Variants in LRATD1 observed in about 807,000 individuals in gnomAD.
LRATD1 encodes the protein LRAT domain containing 1, also known as protein LRATD1.
LRATD1 carries 8 observed loss-of-function variants against 21.3 expected under a neutral mutation model. The observed-to-expected ratio is 0.38, with a 90% CI of 0.22 to 0.68. The LOEUF (loss-of-function observed/expected upper bound fraction) is 0.68. LRATD1 is among the 30% of genes least tolerant of loss of function. The pLI is 0.54. For synonymous variants in LRATD1, 210 were observed against 186.2 expected (o/e 1.13, Z -1.04); for missense variants, 380 against 404.0 (o/e 0.94, Z 0.51).
chr2:14,635,229 A>C lies in LRATD1; in HGVS notation c.*371A>C, dbSNP rs1671659265. The C allele has an allele frequency of 3.6e-6, 2 of 557,726 alleles. No individual in the cohort carries two copies. Among genetic ancestry groups the C allele is most frequent in the African/African-American group, 3.8e-5 (2 of 53,278 alleles). The allele number at this position is 557,726 out of a possible 1,614,324, so 34.5% of individuals were successfully genotyped here. On this transcript the variant is annotated 3_prime_UTR_variant, in exon 2 of 2. Coordinates refer to ENST00000295092, the MANE Select transcript of LRATD1 (RefSeq NM_145175.4). ...TGGCCAGTGACTGTGGCCCGACTCGAAAACAACCCTCTTCTCAAAAGGGAC... is the reference window on the plus strand; with the variant it reads ...TGGCCAGTGACTGTGGCCCGACTCGCAAACAACCCTCTTCTCAAAAGGGAC...
chr2:14,638,389 T>C lies in LRATD1; in HGVS notation c.*3531T>C, dbSNP rs1390598567. The C allele has an allele frequency of 6.0e-6, 1 of 167,010 alleles. No individual in the cohort carries two copies. The highest frequency in any genetic ancestry group is 1.5e-5 in the Non-Finnish European group (1 of 68,100). The allele number at this position is 167,010 out of a possible 1,614,324, so 10.3% of individuals were successfully genotyped here. ...GAAACACTTGTGCCAGATTAGAACA[T>C]CAAGCACAGAAGCAGCTGTATGATT... On this transcript the variant is annotated 3_prime_UTR_variant, in exon 2 of 2. Coordinates refer to ENST00000295092, the MANE Select transcript of LRATD1 (RefSeq NM_145175.4).
At chr2:14,651,039 T>A (rs1255486978), downstream of LRATD1, among the ~76,000 whole-genome samples, 1 of 152,160 alleles carries the variant, frequency 6.6e-6, no homozygotes, top group African/African-American at 2.4e-5. Context: ...TTATTTACGA[T>A]CTTAATTTCC....
In LRATD1 at chr2:14,634,373, C is replaced by G; in HGVS notation, c.394C>G (p.Gln132Glu). 1 of 1,560,332 alleles carries G rather than the reference C, an allele frequency of 6.4e-7. No homozygotes were observed. ...CGACCTGCTGGAGCTGCTGTGGCTG[C>G]AGCCCGCGCCGGAGCCGCCCGCGCC... is the stretch of plus-strand genomic sequence containing the variant. ...PGDLLELLWL[Q>E]PAPEPPAPAP... Residue 132 changes from glutamine (Q) to glutamate (E), a missense_variant, in exon 2 of 2, where the codon CAG (glutamine) becomes GAG (glutamate). Physicochemically the swap from Gln to Glu is conservative, Grantham distance 29. Transcript: ENST00000295092.
At chr2:14,640,711 C>T (rs1024465699), downstream of LRATD1, among the ~76,000 whole-genome samples, 1 of 152,210 alleles carries the variant, frequency 6.6e-6, no homozygotes, top group Admixed American at 6.5e-5. Context: ...GACATACCAG[C>T]TCTTTGCTCA....
downstream of LRATD1, chr2:14,642,180 C>G: frequency 6.6e-6 from 1 of 152,568 alleles, no homozygotes; most frequent in African/African-American, 2.4e-5. Flanking sequence ...CCTTAAGAAT[C>G]ATACAGTAGA....
At position 14,639,848 on chromosome 2, in the gene LRATD1, A is replaced by C. The variant is rs1182453960; in HGVS notation, c.*4990A>C. 2 of 167,248 alleles carry C rather than the reference A, an allele frequency of 1.2e-5. No individual in the cohort carries two copies. Among genetic ancestry groups the C allele is most frequent in the East Asian group, 3.9e-4 (2 of 5,188 alleles). The allele number at this position is 167,248 out of a possible 1,614,324, so 10.4% of individuals were successfully genotyped here. ...ATTCTTGGTTACCAGGAAAACCAGAAAGCCCGTCACTTGCCTTGCCTGCAA... is the reference window on the plus strand; with the variant it reads ...ATTCTTGGTTACCAGGAAAACCAGACAGCCCGTCACTTGCCTTGCCTGCAA... On this transcript the variant is annotated 3_prime_UTR_variant, in exon 2 of 2. Transcript: ENST00000295092.
downstream of LRATD1, among the ~76,000 whole-genome samples, chr2:14,640,882 G>T (rs1045513877): frequency 1.1e-4 from 17 of 152,282 alleles, no homozygotes; most frequent in African/African-American, 3.9e-4. Context: ...TGCCCAGGGG[G>T]TCTGAGCTAG....
rs1391247335 is a variant in LRATD1, at chr2:14,634,694, C to T, written c.715C>T (p.Pro239Ser). Residue 239 changes from proline to serine, a missense_variant, in exon 2 of 2, where the codon CCG becomes TCG. Coordinates refer to ENST00000295092, the MANE Select transcript of LRATD1 (RefSeq NM_145175.4). ...GGAGGTGCCGGCAGGCACGCAGCCC[C>T]CGCAGCAGCAGTACTATCTCAAGGT... ...GGEVPAGTQP[P>S]QQQYYLKVHL... 1 of 1,549,344 alleles carries T rather than the reference C, an allele frequency of 6.5e-7. No individual in the cohort carries two copies.
chr2:14,635,476 C>T lies in LRATD1; in HGVS notation c.*618C>T, dbSNP rs762183954. On this transcript the variant is annotated 3_prime_UTR_variant, in exon 2 of 2. Transcript: ENST00000295092. ...CTTTTCCAGCTCTCCAGCCCCAGGT[C>T]TCCTGACATTGTGTTCCAGGCTGCG... 1.6e-4 allele frequency: 77 copies of T among 471,152 alleles called. No individual in the cohort carries two copies. Among genetic ancestry groups the T allele is most frequent in the Non-Finnish European group, 1.3e-5 (3 of 227,104 alleles). 29.2% of individuals were successfully genotyped at this position (471,152 alleles called of 1,614,324 possible). A position where few individuals can be genotyped will look rare whatever the true frequency, so the allele number is the denominator to read the frequency against.
In LRATD1 at chr2:14,633,202, G is replaced by A. The variant is rs748424803; in HGVS notation, c.-37+265G>A. 7.9e-5 allele frequency among the ~76,000 whole-genome samples: 12 copies of A among 152,172 alleles called. No individual in the cohort carries two copies. Among genetic ancestry groups the A allele is most frequent in the Non-Finnish European group, 1.6e-4 (11 of 68,036 alleles). On this transcript the variant is annotated intron_variant, in intron 1 of 1. Coordinates refer to ENST00000295092, the MANE Select transcript of LRATD1 (RefSeq NM_145175.4). This position sits in a 1 kb window ranked among gnomAD's most constrained non-coding sequence, Gnocchi z 7.5. ...ATGGGGACAAGGCAAGAGAAGTAAG[G>A]GGCAGAGTGCACCTGCCTGTGAGGG...
intron 4 of LRATD1, chr2:14,646,474 C>T (rs1671897063): frequency 1.3e-5 from 2 of 152,142 alleles, no homozygotes; most frequent in Admixed American, 1.3e-4. Flanking sequence ...AGGTAATTCT[C>T]AAAGGACTTT....
rs1235462491 is a variant in LRATD1, at chr2:14,633,819, G to A, written c.-36-125G>A. ...AGGCACGGAGGACTCGGCTGGAAAG[G>A]GTGACTCCGGTGAGGGCACGTAAGC... On this transcript the variant is annotated intron_variant, in intron 1 of 1. Transcript: ENST00000295092. This position sits in a 1 kb window ranked among gnomAD's most constrained non-coding sequence, Gnocchi z 7.5. 8.4e-6 allele frequency: 8 copies of A among 956,038 alleles called. No homozygotes were observed. The East Asian group carries it at 2.1e-4, about 25-fold the overall frequency. The allele number at this position is 956,038 out of a possible 1,614,324, so 59.2% of individuals were successfully genotyped here.
At chr2:14,650,385 G>A (rs1180892111), downstream of LRATD1, 1 of 152,094 alleles carries the variant, frequency 6.6e-6, no homozygotes, top group Non-Finnish European at 1.5e-5. Context: ...TAGGATATTT[G>A]CATTTAAACT....
chr2:14,641,387 A>G (rs1474023722), downstream of LRATD1, among the ~76,000 whole-genome samples: 1 of 152,074 alleles, frequency 6.6e-6, no homozygotes, highest in African/African-American at 2.4e-5. Flanking sequence ...TCTTGATTCT[A>G]TTTTATAACA....
rs1671756838 is a variant in LRATD1, at chr2:14,639,164, A to G, written c.*4306A>G. The stretch of plus-strand genomic sequence containing the variant: ...AATAGAGAGTGACTTGAGATATACA[A>G]AAACAGGAAGAAAAGCCCTGGAGGT... On this transcript the variant is annotated 3_prime_UTR_variant, in exon 2 of 2. Coordinates refer to ENST00000295092, the MANE Select transcript of LRATD1 (RefSeq NM_145175.4). 1 of 166,850 alleles carries G rather than the reference A, an allele frequency of 6.0e-6. No individual in the cohort carries two copies. The highest frequency in any genetic ancestry group is 1.5e-5 in the Non-Finnish European group (1 of 68,032). The allele number at this position is 166,850 out of a possible 1,614,324, so 10.3% of individuals were successfully genotyped here.
downstream of LRATD1, among the ~76,000 whole-genome samples, chr2:14,651,853 G>A (rs984628153): frequency 1.3e-5 from 2 of 151,858 alleles, no homozygotes; most frequent in East Asian, 3.9e-4. Flanking sequence ...AGATTTCTTT[G>A]TTATATCTAA....
At position 14,638,061 on chromosome 2, in the gene LRATD1, A is replaced by G. The variant is rs886139266; in HGVS notation, c.*3203A>G. 1.2e-5 allele frequency: 2 copies of G among 166,906 alleles called. No individual in the cohort carries two copies. Among genetic ancestry groups the G allele is most frequent in the African/African-American group, 4.8e-5 (2 of 41,380 alleles). The allele number at this position is 166,906 out of a possible 1,614,324, so 10.3% of individuals were successfully genotyped here. On this transcript the variant is annotated 3_prime_UTR_variant, in exon 2 of 2. Transcript: ENST00000295092. The stretch of plus-strand genomic sequence containing the variant: ...TTCAGGTAAAACAAACTATGATTTA[A>G]AAAAAGAAAAAAGAAAAGACAGGTA...
chr2:14,649,408 G>A (rs948162303), exon 5 of LRATD1: 14 of 455,766 alleles, frequency 3.1e-5, no homozygotes, highest in African/African-American at 1.8e-4. Context: ...CTCGACCTGG[G>A]TGAATGTACT....
Position 14,636,452 on chromosome 2 carries a change from G to C in LRATD1, c.*1594G>C, listed in dbSNP as rs1285078174. Reference sequence around the variant, plus strand: ...CCTCTTTGGCCAGTTCCACAGTTCAGTTCTTCCTGAAAACAGGGATGATGA... The same window carrying C: ...CCTCTTTGGCCAGTTCCACAGTTCACTTCTTCCTGAAAACAGGGATGATGA... On this transcript the variant is annotated 3_prime_UTR_variant, in exon 2 of 2. Transcript: ENST00000295092. The C allele has an allele frequency of 1.3e-4, 22 of 167,076 alleles. No homozygotes were observed. Among genetic ancestry groups the C allele is most frequent in the Non-Finnish European group, 1.5e-5 (1 of 68,134 alleles). The allele number at this position is 167,076 out of a possible 1,614,324, so 10.3% of individuals were successfully genotyped here. A position where few individuals can be genotyped will look rare whatever the true frequency, so the allele number is the denominator to read the frequency against.
Sources: allele counts gnomAD v4.1 joint callset (sites outside exome capture counted in the v4.1 genomes callset), GRCh38; gene constraint gnomAD v4.1.1; non-coding constraint Gnocchi (gnomAD v3.1); transcripts MANE v1.5; gene names NCBI Gene and HGNC (gene_info 2026-07-23, HGNC 2026-07-21).